Variants in NCAPD2 observed in about 807,000 individuals in gnomAD.
NCAPD2 encodes non-SMC condensin I complex subunit D2.
NCAPD2 carries 100 observed loss-of-function variants against 164.5 expected under a neutral mutation model. The ratio of observed to expected loss-of-function variants is 0.61; its 90% confidence interval spans 0.52 to 0.72. The LOEUF (loss-of-function observed/expected upper bound fraction) is 0.72, where lower values mean the gene tolerates loss of function less well. Among genes scored for constraint, NCAPD2 ranks in the 30% least tolerant of loss-of-function variants. The pLI is 0.00. For missense variants in NCAPD2, 1,560 were observed against 1,749.2 expected (o/e 0.89, Z 1.93); for synonymous variants, 585 against 642.6 (o/e 0.91, Z 1.36).
intron 15 of NCAPD2, among the ~76,000 whole-genome samples, chr12:6,522,277 C>G (rs1946270937): frequency 6.6e-6 from 1 of 152,060 alleles, no homozygotes; most frequent in Non-Finnish European, 1.5e-5. Flanking sequence ...ATATATCTAT[C>G]TGCTCCTTTA....
chr12:6,531,280 C>A lies in NCAPD2; in HGVS notation c.4121-47C>A. 1 of 1,572,710 alleles carries A rather than the reference C, an allele frequency of 6.4e-7. No individual in the cohort carries two copies. The highest frequency in any genetic ancestry group is 8.7e-7 in the Non-Finnish European group (1 of 1,148,388). On this transcript the variant is annotated intron_variant, in intron 31 of 31. Coordinates refer to ENST00000315579, the MANE Select transcript of NCAPD2 (RefSeq NM_014865.4). The surrounding 1 kb of genome is among the most constrained non-coding windows in gnomAD (Gnocchi z 4.1). Reference sequence around the variant, plus strand: ...TGTTCTCTGATATCTATTTTTTCACCATCTTTGTGACTCAGCTTTTTCTTA... The same window carrying A: ...TGTTCTCTGATATCTATTTTTTCACAATCTTTGTGACTCAGCTTTTTCTTA...
chr12:6,494,202 A>G (rs1033866027), intron 1 of NCAPD2, 48 bp downstream of exon 1: 14 of 152,274 alleles, frequency 9.2e-5, no homozygotes, highest in Non-Finnish European at 1.9e-4. Flanking sequence ...AGTCGAGTAC[A>G]TGGCAGTGTG....
chr12:6,530,517 C>T (rs1043083393), intron 29 of NCAPD2, among the ~76,000 whole-genome samples, 174 bp from the exon 30 acceptor site: 3 of 152,212 alleles, frequency 2.0e-5, no homozygotes, highest in African/African-American at 7.2e-5. Context: ...TTTACTGTTG[C>T]CATCACTTTG....
At chr12:6,512,086 G>T (rs983590175) in intron 6 of NCAPD2, among the ~76,000 whole-genome samples, 1 of 151,736 alleles carries the variant, frequency 6.6e-6, no homozygotes, top group East Asian at 1.9e-4. Flanking sequence ...TCGAGACCAC[G>T]GTGAAACCCC....
At chr12:6,516,797 G>C in intron 9 of NCAPD2, 31 bp from the exon 10 acceptor site, 1 of 1,609,720 alleles carries the variant, frequency 6.2e-7, no homozygotes, top group Non-Finnish European at 8.5e-7. Flanking sequence ...CTTGACTAAA[G>C]GTTTGACCCC....
In NCAPD2 at chr12:6,526,559, G is replaced by A. The variant is rs149823221; in HGVS notation, c.2678G>A (p.Cys893Tyr). The A allele has an allele frequency of 6.2e-6, 10 of 1,614,090 alleles. No homozygotes were observed. Among genetic ancestry groups the A allele is most frequent in the Admixed American group, 5.0e-5 (3 of 60,006 alleles). The part of the protein sequence containing the change: ...EVICAQILQG[C>Y]AKQALEKLEE... ...ATCTGTGCCCAGATATTGCAGGGCT[G>A]TGCAAAACAGGCCCTGGAGAAGCTA... The change falls in exon 21 of 32, where the codon TGT (cysteine) becomes TAT (tyrosine). Residue 893 changes from cysteine to tyrosine, a missense_variant. By Grantham distance (194) the Cys-to-Tyr change is radical. Coordinates refer to ENST00000315579, the MANE Select transcript of NCAPD2 (RefSeq NM_014865.4).
Position 6,518,082 on chromosome 12 carries a change from G to T in NCAPD2, c.1589+123G>T, listed in dbSNP as rs1233158064. On this transcript the variant is annotated intron_variant, in intron 13 of 31. Coordinates refer to ENST00000315579, the MANE Select transcript of NCAPD2 (RefSeq NM_014865.4). ...GATATGCTGCCACCAGGTGATGGTA[G>T]ATGTTTTCATGTAGTAATGGTCTGA... 7.6e-6 allele frequency: 7 copies of T among 919,444 alleles called. No individual in the cohort carries two copies. In the African/African-American group the frequency reaches 1.2e-4, roughly 15 times the overall value. 57.0% of individuals were successfully genotyped at this position (919,444 alleles called of 1,614,324 possible).
Position 6,495,221 on chromosome 12 carries a change from T to G in NCAPD2, c.123T>G (p.Leu41=). 1 of 1,614,136 alleles carries G rather than the reference T, an allele frequency of 6.2e-7. No homozygotes were observed. The highest frequency in any genetic ancestry group is 8.5e-7 in the Non-Finnish European group (1 of 1,179,972). ...VLSIKHLPPQ[L]RAFQAAFRAQ... is the part of the protein sequence containing the mutation. The stretch of plus-strand genomic sequence containing the variant: ...CCATCAAACATCTTCCACCACAGCT[T>G]AGAGGTAAGAGTCCATAGCTGTCAC... The change falls in exon 2 of 32, where the codon CTT becomes CTG. Residue 41 remains leucine (L), a synonymous_variant. Transcript: ENST00000315579.
chr12:6,529,871 T>C lies in NCAPD2; in HGVS notation c.3750T>C (p.Phe1250=), dbSNP rs543150725. Residue 1250 remains phenylalanine (F), a synonymous_variant, in exon 29 of 32, where the codon TTT becomes TTC. Coordinates refer to ENST00000315579, the MANE Select transcript of NCAPD2 (RefSeq NM_014865.4). ...AGATGCTTGACAATTTTGACTGTTT[T>C]GGAGACAAACTGTCAGATGAGTCCA... ...LRKMLDNFDC[F]GDKLSDESIF... is the part of the protein sequence containing the mutation. The C allele has an allele frequency of 2.0e-5, 32 of 1,614,266 alleles. No individual in the cohort carries two copies. The African/African-American group carries it at 2.5e-4, about 13-fold the overall frequency.
At chr12:6,525,548 A>AT in intron 17 of NCAPD2, 35 bp from the exon 18 acceptor site, 1 of 1,578,608 alleles carries the variant, frequency 6.3e-7, no homozygotes. Context: ...GGAATTGTTC[A>AT]TTTTTGGCTT....
At chr12:6,510,404 T>C in intron 4 of NCAPD2, 1 of 785,872 alleles carries the variant, frequency 1.3e-6, no homozygotes, top group Non-Finnish European at 2.3e-6. Context: ...GGGTGATTCT[T>C]CCAGTTGCTG....
intron 2 of NCAPD2, among the ~76,000 whole-genome samples, chr12:6,496,023 T>G (rs1945979659): frequency 6.6e-6 from 1 of 152,118 alleles, no homozygotes; most frequent in Admixed American, 6.6e-5. Context: ...TGGCTTTTCT[T>G]TCATGGTTGC....
chr12:6,504,220 T>TATATACACATATATATACAC (rs1565539620), intron 2 of NCAPD2, among the ~76,000 whole-genome samples: 10 of 25,344 alleles, frequency 3.9e-4, no homozygotes, highest in African/African-American at 9.7e-4. Context: ...TATATATAGA[T>TATATACACATATATATACAC]ATAGATATAT....
At chr12:6,506,629 A>G (rs2137042862) in intron 2 of NCAPD2, among the ~76,000 whole-genome samples, 1 of 152,140 alleles carries the variant, frequency 6.6e-6, no homozygotes, top group East Asian at 1.9e-4. Flanking sequence ...ATGGTAGTAA[A>G]TGATAAAATA....
chr12:6,521,886 T>C lies in NCAPD2; in HGVS notation c.1803T>C (p.Asn601=), dbSNP rs1463264577. The change falls in exon 15 of 32, where the codon AAT becomes AAC. Residue 601 remains asparagine (N), a synonymous_variant. Transcript: ENST00000315579. ...AGACTGTCTGTAAAAATAAACCCAATATGTCGGATCCTGAGGAATCCAGGG... is the reference window on the plus strand; with the variant it reads ...AGACTGTCTGTAAAAATAAACCCAACATGTCGGATCCTGAGGAATCCAGGG... The part of the protein sequence containing the change: ...TGQTVCKNKP[N]MSDPEESRGN... The C allele has an allele frequency of 6.2e-7, 1 of 1,613,806 alleles. No homozygotes were observed.
chr12:6,517,856 C>T lies in NCAPD2; in HGVS notation c.1486C>T (p.Leu496Phe). The T allele has an allele frequency of 1.2e-6, 2 of 1,614,182 alleles. No individual in the cohort carries two copies. Among genetic ancestry groups the T allele is most frequent in the Non-Finnish European group, 1.7e-6 (2 of 1,180,044 alleles). ...GTCTACCCTGCAGCAGCTTCTACAG[C>T]TTCCCCAGGGAGAGGAGGAGATTCC... is the stretch of plus-strand genomic sequence containing the variant. ...LKSTLQQLLQLPQGEEEIPEQ... is the reference protein window; with the variant it reads ...LKSTLQQLLQFPQGEEEIPEQ... Residue 496 changes from leucine (L) to phenylalanine (F), a missense_variant, in exon 13 of 32, where the codon CTT becomes TTT. Transcript: ENST00000315579.
rs1431688133 is a variant in NCAPD2 at position 6,531,038 on chromosome 12, C to G, written c.4082C>G (p.Pro1361Arg). 2 of 1,614,012 alleles carry G rather than the reference C, an allele frequency of 1.2e-6. No individual in the cohort carries two copies. Among genetic ancestry groups the G allele is most frequent in the South Asian group, 1.1e-5 (1 of 91,066 alleles). ...NTQQRASKKK[P>R]KVVFSSDESS... is the part of the protein sequence containing the mutation. ...CAGCAGCGAGCTTCCAAAAAGAAAC[C>G]CAAAGTTGTCTTCTCAAGTGATGAG... Residue 1361 changes from proline (P) to arginine (R), a missense_variant, in exon 31 of 32, where the codon CCC becomes CGC. Transcript: ENST00000315579. This position sits in a 1 kb window ranked among gnomAD's most constrained non-coding sequence, Gnocchi z 4.1.
intron 18 of NCAPD2, 25 bp downstream of exon 18, chr12:6,525,741 T>A (rs1946310976): frequency 6.2e-7 from 1 of 1,610,314 alleles, no homozygotes; most frequent in African/African-American, 1.3e-5. Flanking sequence ...TAGCAGGCAA[T>A]GGGGTGGGAG....
intron 6 of NCAPD2, among the ~76,000 whole-genome samples, chr12:6,512,191 G>A (rs1232473710): frequency 4.0e-5 from 6 of 150,190 alleles, no homozygotes; most frequent in Non-Finnish European, 5.9e-5. Flanking sequence ...AGAATGGCGT[G>A]AACCCGGGAG....
Sources: gnomAD v4.1 joint callset for allele counts (sites outside exome capture counted in the v4.1 genomes callset) on GRCh38, gnomAD v4.1.1 for gene constraint, Gnocchi (gnomAD v3.1) non-coding constraint, MANE v1.5 for transcripts, NCBI Gene and HGNC (gene_info 2026-07-23, HGNC 2026-07-21) for gene names.